PACRG: variants seen among roughly 807,000 people sequenced by gnomAD.
PACRG encodes the protein parkin coregulated gene protein.
Under a neutral mutation model 29.7 loss-of-function variants are expected in PACRG, and 29 were observed. That is an observed-to-expected ratio of 0.98 (90% CI 0.73 to 1.33). The LOEUF (loss-of-function observed/expected upper bound fraction) is 1.33, where lower values mean the gene tolerates loss of function less well. PACRG is among the 40% of genes most tolerant of loss of function. The probability of loss-of-function intolerance (pLI) is 0.00; values close to 1 mark genes in which losing one functional copy is unlikely to be tolerated. For synonymous variants in PACRG, 116 were observed against 118.7 expected (o/e 0.98, Z 0.15); for missense variants, 279 against 316.2 (o/e 0.88, Z 0.89).
intron 4 of PACRG, among the ~76,000 whole-genome samples, chr6:163,254,740 A>T (rs1411821425): frequency 2.6e-5 from 4 of 152,206 alleles, no homozygotes; most frequent in African/African-American, 9.6e-5. Flanking sequence ...TCTGCCCAGA[A>T]GGTGCCCCCT....
At chr6:163,239,851 C>T (rs1192818733) in intron 4 of PACRG, among the ~76,000 whole-genome samples, 2 of 138,974 alleles carry the variant, frequency 1.4e-5, no homozygotes, top group Non-Finnish European at 3.1e-5. Flanking sequence ...TACACACACA[C>T]TCTCACACTC....
chr6:162,795,546 T>A (rs890124801), intron 1 of PACRG, among the ~76,000 whole-genome samples: 1 of 152,172 alleles, frequency 6.6e-6, no homozygotes, highest in Non-Finnish European at 1.5e-5. Context: ...ACACTGATTT[T>A]TTTTTTGGAG....
At chr6:163,310,417 G>C (rs763321422) in intron 4 of PACRG, 2 of 152,246 alleles carry the variant, frequency 1.3e-5, no homozygotes, top group Non-Finnish European at 2.9e-5. Flanking sequence ...GGCTTCCTCA[G>C]CTGGATGGCA....
At chr6:162,958,839 CATATATAGAGCATATATAT>C (rs1343344270) in intron 2 of PACRG, among the ~76,000 whole-genome samples, 1 of 93,190 alleles carries the variant, frequency 1.1e-5, no homozygotes, top group East Asian at 3.2e-4. Context: ...ATATATAGAG[CATATATAGAGCATATATAT>C]ATATATATAT....
At chr6:163,063,449 T>A (rs1156852442) in intron 3 of PACRG, among the ~76,000 whole-genome samples, 1 of 152,208 alleles carries the variant, frequency 6.6e-6, no homozygotes, top group African/African-American at 2.4e-5. Context: ...AGGTGAGCTC[T>A]TGCCGTGTGC....
chr6:163,108,535 G>A (rs1358674461), intron 4 of PACRG, among the ~76,000 whole-genome samples: 4 of 151,032 alleles, frequency 2.6e-5, no homozygotes, highest in South Asian at 4.2e-4. Flanking sequence ...TGGGACCACA[G>A]GCATGTGCCA....
chr6:162,761,408 G>A (rs1241260027), intron 1 of PACRG, among the ~76,000 whole-genome samples: 1 of 152,028 alleles, frequency 6.6e-6, no homozygotes, highest in African/African-American at 2.4e-5. Flanking sequence ...GCAGGATCAC[G>A]ATTTATTTGC....
At chr6:162,739,399 A>G (rs1261802479) in intron 1 of PACRG, among the ~76,000 whole-genome samples, 9 of 152,218 alleles carry the variant, frequency 5.9e-5, no homozygotes, top group Non-Finnish European at 1.0e-4. Flanking sequence ...CTAGATATGG[A>G]TATGTTCTGG....
intron 2 of PACRG, chr6:163,051,890 C>G (rs1315307633): frequency 2.0e-5 from 3 of 152,096 alleles, no homozygotes; most frequent in Non-Finnish European, 4.4e-5. Context: ...ATGGATGAAT[C>G]CGTTTCAGTC....
chr6:163,003,791 A>G (rs1332264181), intron 2 of PACRG, among the ~76,000 whole-genome samples: 1 of 152,224 alleles, frequency 6.6e-6, no homozygotes, highest in Non-Finnish European at 1.5e-5. Flanking sequence ...GGATTTAAAT[A>G]CATTAGCCTT....
rs1167164439 is a variant in PACRG, at chr6:162,947,642, A to G, written c.292-114508A>G. The stretch of plus-strand genomic sequence containing the variant: ...TATATATATATATATATATATATAT[A>G]TATATACACCCAAAGATTCCACCAA... On this transcript the variant is annotated intron_variant, in intron 2 of 4. Transcript: ENST00000366888. 6.9e-3 allele frequency among the ~76,000 whole-genome samples: 566 copies of G among 82,110 alleles called. 20 individuals are homozygous for G. Among genetic ancestry groups the G allele is most frequent in the African/African-American group, 0.026 (549 of 21,160 alleles). The allele number at this position is 82,110 out of a possible 152,430, so 53.9% of individuals were successfully genotyped here.
At chr6:163,060,890 G>A (rs1481378947) in intron 2 of PACRG, 1 of 151,736 alleles carries the variant, frequency 6.6e-6, no homozygotes, top group Non-Finnish European at 1.5e-5. Flanking sequence ...ACAATTTTCG[G>A]TTACAAAATC....
chr6:162,984,526 A>G (rs1416475782), intron 2 of PACRG, among the ~76,000 whole-genome samples: 2 of 152,058 alleles, frequency 1.3e-5, no homozygotes, highest in East Asian at 3.9e-4. Flanking sequence ...TCCTTTGGAT[A>G]GATACCTAGT....
At chr6:163,265,780 C>T (rs1025326844) in intron 4 of PACRG, among the ~76,000 whole-genome samples, 7 of 152,178 alleles carry the variant, frequency 4.6e-5, no homozygotes, top group East Asian at 1.9e-4. Context: ...TGTTAATGAT[C>T]GAGGTTAAAT....
chr6:163,300,152 A>G (rs9458781), intron 4 of PACRG, among the ~76,000 whole-genome samples: 70,019 of 152,104 alleles, frequency 0.46, 16,202 homozygotes, highest in Middle Eastern at 0.55. Context: ...CTGGAGGTTT[A>G]CATTGTCCAG....
At chr6:163,157,204 G>A (rs375099390) in intron 4 of PACRG, among the ~76,000 whole-genome samples, 4 of 152,106 alleles carry the variant, frequency 2.6e-5, no homozygotes, top group Admixed American at 2.0e-4. Flanking sequence ...CCTCCGTCCC[G>A]CGTCCAGTAG....
intron 2 of PACRG, among the ~76,000 whole-genome samples, chr6:163,040,545 C>T (rs749085499): frequency 9.9e-5 from 15 of 152,168 alleles, no homozygotes; most frequent in African/African-American, 1.9e-4. Context: ...AAGGCCAGCC[C>T]GTGAAAGCAG....
intron 4 of PACRG, among the ~76,000 whole-genome samples, chr6:163,114,629 C>T (rs1210855373): frequency 1.3e-5 from 2 of 152,042 alleles, no homozygotes; most frequent in Non-Finnish European, 2.9e-5. Context: ...CATGATCTCA[C>T]TTATATGATG....
At chr6:162,823,619 C>G (rs1788027655) in intron 2 of PACRG, among the ~76,000 whole-genome samples, 1 of 151,654 alleles carries the variant, frequency 6.6e-6, no homozygotes, top group Non-Finnish European at 1.5e-5. Flanking sequence ...TCAAGCGATT[C>G]TCCTGCCTCA....
Sources: allele counts gnomAD v4.1 joint callset (sites outside exome capture counted in the v4.1 genomes callset), GRCh38; gene constraint gnomAD v4.1.1; transcripts MANE v1.5; gene names NCBI Gene and HGNC (gene_info 2026-07-23, HGNC 2026-07-21).